Variants in ADAMTS16 observed in about 807,000 individuals in gnomAD.
ADAMTS16 encodes the protein ADAM metallopeptidase with thrombospondin type 1 motif 16, also known as A disintegrin and metalloproteinase with thrombospondin motifs 16.
Under a neutral mutation model 145.8 loss-of-function variants are expected in ADAMTS16, and 94 were observed. The observed-to-expected ratio is 0.64, with a 90% CI of 0.55 to 0.77. The LOEUF is 0.77. Among genes scored for constraint, ADAMTS16 ranks in the 30% least tolerant of loss-of-function variants. The probability of loss-of-function intolerance (pLI) is 0.00; values close to 1 mark genes in which losing one functional copy is unlikely to be tolerated. For synonymous variants in ADAMTS16, 659 were observed against 604.3 expected, an observed-to-expected ratio of 1.09 and a Z score of -1.33; for missense variants, 1,585 against 1,591.5, an observed-to-expected ratio of 1.00 and a Z score of 0.07.
At chr5:5,273,607 G>A (rs1318469960) in intron 18 of ADAMTS16, among the ~76,000 whole-genome samples, 2 of 152,232 alleles carry the variant, frequency 1.3e-5, no homozygotes, top group South Asian at 2.1e-4. Flanking sequence ...TAGGAATGCC[G>A]TGGCTTGAAA....
At chr5:5,181,994 C>A in intron 3 of ADAMTS16, 50 bp from the exon 4 acceptor site, 4 of 1,553,788 alleles carry the variant, frequency 2.6e-6, no homozygotes, top group Non-Finnish European at 2.6e-6. Context: ...GCCCTGGCTT[C>A]AACCAGAAAG....
chr5:5,287,758 A>G (rs1353181169), intron 18 of ADAMTS16, among the ~76,000 whole-genome samples: 1 of 152,184 alleles, frequency 6.6e-6, no homozygotes, highest in Admixed American at 6.5e-5. Flanking sequence ...CTTAAAACCC[A>G]TTAGATTTAT....
chr5:5,183,543 T>C (rs977036910), intron 4 of ADAMTS16, among the ~76,000 whole-genome samples: 1 of 152,178 alleles, frequency 6.6e-6, no homozygotes, highest in Non-Finnish European at 1.5e-5. Flanking sequence ...AGGGCCGTCT[T>C]AACCGCTTTG....
At chr5:5,141,735 A>G (rs1734173755) in intron 2 of ADAMTS16, among the ~76,000 whole-genome samples, 1 of 152,244 alleles carries the variant, frequency 6.6e-6, no homozygotes, top group Admixed American at 6.5e-5. Flanking sequence ...AAATAACATA[A>G]AGGCAAGCAC....
intron 10 of ADAMTS16, among the ~76,000 whole-genome samples, chr5:5,211,977 C>T (rs1736281323): frequency 6.6e-6 from 1 of 152,064 alleles, no homozygotes; most frequent in Non-Finnish European, 1.5e-5. Context: ...TCTTGGTGAA[C>T]ATTCTGTGGA....
rs144829154 is a variant in ADAMTS16 at position 5,191,608 on chromosome 5, G to C, written c.1208-77G>C. 3.3e-6 allele frequency: 4 copies of C among 1,202,142 alleles called. No homozygotes were observed. The African/African-American group carries it at 4.6e-5, about 14-fold the overall frequency. 74.5% of individuals were successfully genotyped at this position (1,202,142 alleles called of 1,614,324 possible). ...GAACATAAGAACTAAATTTCACTAAGGGGTAGAAAATAAATATACTATGCT... is the reference window on the plus strand; with the variant it reads ...GAACATAAGAACTAAATTTCACTAACGGGTAGAAAATAAATATACTATGCT... On this transcript the variant is annotated intron_variant, in intron 7 of 22. Transcript: ENST00000274181.
At chr5:5,196,118 C>T (rs996110668) in intron 8 of ADAMTS16, among the ~76,000 whole-genome samples, 2 of 151,126 alleles carry the variant, frequency 1.3e-5, no homozygotes, top group Non-Finnish European at 2.9e-5. Flanking sequence ...CCCAGCTACT[C>T]AGGAGGCTGA....
chr5:5,164,337 C>G (rs530727621), intron 3 of ADAMTS16, among the ~76,000 whole-genome samples: 1 of 152,204 alleles, frequency 6.6e-6, no homozygotes, highest in Non-Finnish European at 1.5e-5. Flanking sequence ...AACAAAGACT[C>G]TTGTCCACAA....
chr5:5,247,468 C>G (rs1016270655), intron 17 of ADAMTS16, among the ~76,000 whole-genome samples: 5 of 152,134 alleles, frequency 3.3e-5, no homozygotes, highest in African/African-American at 1.2e-4. Context: ...TGATGTCACC[C>G]AGGCCCATTT....
In ADAMTS16 at chr5:5,232,393, A is replaced by C; in HGVS notation, c.1727A>C (p.Lys576Thr). ...DMWCRGGQCV[K>T]YGDEGPKPTH... ...TGGTGCCGGGGAGGACAGTGTGTGA[A>C]ATATGGTGATGAAGGCCCCAAGCCC... The change falls in exon 12 of 23, where the codon AAA becomes ACA. Residue 576 changes from lysine to threonine, a missense_variant. By Grantham distance (78) the Lys-to-Thr change is moderately conservative (BLOSUM62 -1). This residue lies in a region of ADAMTS16 where 298 missense variants were observed against 367.6 expected (regional missense o/e 0.81). Coordinates refer to ENST00000274181, the MANE Select transcript of ADAMTS16 (RefSeq NM_139056.4). 6.2e-7 allele frequency: 1 copy of C among 1,614,018 alleles called. No individual in the cohort carries two copies. Among genetic ancestry groups the C allele is most frequent in the Non-Finnish European group, 8.5e-7 (1 of 1,180,004 alleles).
chr5:5,154,106 A>C (rs890066563), intron 3 of ADAMTS16, among the ~76,000 whole-genome samples: 1 of 152,230 alleles, frequency 6.6e-6, no homozygotes, highest in African/African-American at 2.4e-5. Flanking sequence ...TGACTTTAAA[A>C]AATGTTCTTG....
intron 3 of ADAMTS16, among the ~76,000 whole-genome samples, chr5:5,167,722 T>C (rs1051634974): frequency 6.6e-6 from 1 of 152,222 alleles, no homozygotes; most frequent in African/African-American, 2.4e-5. Flanking sequence ...GATGTGTTAA[T>C]TACCCAGGGT....
At chr5:5,212,206 TTTGTTTTG>T (rs2126322313) in intron 10 of ADAMTS16, among the ~76,000 whole-genome samples, 2 of 134,710 alleles carry the variant, frequency 1.5e-5, no homozygotes, top group Non-Finnish European at 3.2e-5. Flanking sequence ...TTTGTTTTGT[TTTGTTTTG>T]TTTTTTTTTT....
At chr5:5,247,848 G>A (rs185546166) in intron 17 of ADAMTS16, among the ~76,000 whole-genome samples, 136 of 152,364 alleles carry the variant, frequency 8.9e-4, no homozygotes, top group African/African-American at 3.2e-3. Context: ...ACATGTGAAG[G>A]TGCCTCAGCC....
chr5:5,305,164 T>C (rs62639497), intron 20 of ADAMTS16, among the ~76,000 whole-genome samples: 8 of 20,176 alleles, frequency 4.0e-4, no homozygotes, highest in Non-Finnish European at 5.4e-4. Context: ...CACACACACA[T>C]ATCCCACACC....
At chr5:5,257,439 C>T (rs925606180) in intron 17 of ADAMTS16, among the ~76,000 whole-genome samples, 1 of 152,052 alleles carries the variant, frequency 6.6e-6, no homozygotes, top group Non-Finnish European at 1.5e-5. Context: ...GTTAACAGAA[C>T]CTTATAATTA....
At chr5:5,162,126 A>G (rs1734756118) in intron 3 of ADAMTS16, among the ~76,000 whole-genome samples, 1 of 152,222 alleles carries the variant, frequency 6.6e-6, no homozygotes. Flanking sequence ...CAGTGATATA[A>G]TTTGAATAGT....
intron 18 of ADAMTS16, among the ~76,000 whole-genome samples, chr5:5,285,962 G>C (rs6865947): frequency 0.97 from 147,946 of 152,324 alleles, 71,992 homozygotes; most frequent in East Asian, 1. Flanking sequence ...GCAATTCTCT[G>C]TTGCGACTTG....
intron 17 of ADAMTS16, among the ~76,000 whole-genome samples, chr5:5,253,994 C>T (rs184007289): frequency 5.0e-4 from 76 of 152,310 alleles, no homozygotes; most frequent in African/African-American, 1.6e-3. Context: ...GAATCTCTGC[C>T]TCTATCTCTG....
Sources: allele counts gnomAD v4.1 joint callset (sites outside exome capture counted in the v4.1 genomes callset), GRCh38; gene constraint gnomAD v4.1.1; regional missense constraint gnomAD v4.1.1; transcripts MANE v1.5; gene names NCBI Gene and HGNC (gene_info 2026-07-23, HGNC 2026-07-21).